The following SLC25A26 variants were observed in gnomAD, a reference collection of about 807,000 sequenced individuals.
SLC25A26 encodes mitochondrial S-adenosylmethionine carrier protein.
A neutral mutation model predicts 37.8 loss-of-function variants in SLC25A26; 36 were observed. That is an observed-to-expected ratio of 0.95 (90% CI 0.73 to 1.26). The LOEUF is 1.26. SLC25A26 is among the 50% of genes most tolerant of loss of function. The pLI is 0.00. For missense variants in SLC25A26, 390 were observed against 331.1 expected (o/e 1.18, Z -1.38); for synonymous variants, 129 against 122.5 (o/e 1.05, Z -0.35).
rs1308907721 is a variant in SLC25A26 at position 66,236,573 on chromosome 3, C to G, written c.63C>G (p.Asp21Glu). The G allele has an allele frequency of 8.1e-6, 12 of 1,474,940 alleles. No homozygotes were observed. Among genetic ancestry groups the G allele is most frequent in the African/African-American group, 1.4e-5 (1 of 71,464 alleles). 91.4% of individuals were successfully genotyped at this position (1,474,940 alleles called of 1,614,324 possible). The part of the protein sequence containing the change: ...VAGGVAGVSV[D>E]LILFPLDTIK... Reference sequence around the variant, plus strand: ...GTGGGGTAGCAGGTGTTTCTGTTGACTTGATATTATTTCCTCTGGATACCA... The same window carrying G: ...GTGGGGTAGCAGGTGTTTCTGTTGAGTTGATATTATTTCCTCTGGATACCA... Residue 21 changes from aspartate (D) to glutamate (E), a missense_variant, in exon 2 of 10, where the codon GAC becomes GAG. Physicochemically the swap from Asp to Glu is conservative, Grantham distance 45. Coordinates refer to ENST00000354883, the MANE Select transcript of SLC25A26 (RefSeq NM_001379210.1).
At chr3:66,198,443 G>T (rs2071072682) in intron 1 of SLC25A26, among the ~76,000 whole-genome samples, 1 of 151,892 alleles carries the variant, frequency 6.6e-6, no homozygotes, top group South Asian at 2.1e-4. Context: ...GACCTTCATA[G>T]TGACCCTCAC....
intron 5 of SLC25A26, among the ~76,000 whole-genome samples, chr3:66,269,804 G>C (rs533633712): frequency 6.6e-6 from 1 of 152,272 alleles, no homozygotes; most frequent in African/African-American, 2.4e-5. Flanking sequence ...GTATGTTTGT[G>C]TGAAATTGTT....
intron 1 of SLC25A26, among the ~76,000 whole-genome samples, chr3:66,234,359 A>G (rs376319984): frequency 4.6e-5 from 7 of 152,284 alleles, no homozygotes; most frequent in African/African-American, 1.7e-4. Context: ...TTTTCCCATG[A>G]CTTAGGGAAG....
At chr3:66,180,348 A>G (rs1576617400) in intron 1 of SLC25A26, among the ~76,000 whole-genome samples, 1 of 152,320 alleles carries the variant, frequency 6.6e-6, no homozygotes, top group East Asian at 1.9e-4. Context: ...ACCAGAAATA[A>G]TAAGTTTCTA....
In SLC25A26 at chr3:66,139,936, A is replaced by G. The variant is rs189315732; in HGVS notation, c.-354+5952A>G. On this transcript the variant is annotated intron_variant, in intron 1 of 10. Transcript: ENST00000676754. ...CTTAACCTAATAGATGTTATTTGCT[A>G]TTGATCCTTCTCAAGGTGTTGTAGG... 2.8e-4 allele frequency among the ~76,000 whole-genome samples: 43 copies of G among 152,352 alleles called. No individual in the cohort carries two copies. The East Asian group carries it at 8.1e-3, about 29-fold the overall frequency.
At chr3:66,318,348 C>A (rs952454000) in intron 5 of SLC25A26, among the ~76,000 whole-genome samples, 4 of 152,182 alleles carry the variant, frequency 2.6e-5, no homozygotes, top group Admixed American at 2.0e-4. Flanking sequence ...TTGCAAGAAT[C>A]TGTGGGAAAA....
chr3:66,240,809 G>T (rs1254927064), intron 2 of SLC25A26, among the ~76,000 whole-genome samples: 2 of 146,796 alleles, frequency 1.4e-5, no homozygotes, highest in African/African-American at 5.0e-5. Flanking sequence ...GCAGTGGTGC[G>T]ATCTTGGCTC....
At chr3:66,268,551 G>C (rs1298513323) in intron 5 of SLC25A26, among the ~76,000 whole-genome samples, 1 of 152,214 alleles carries the variant, frequency 6.6e-6, no homozygotes, top group Non-Finnish European at 1.5e-5. Context: ...AAATTCTTGT[G>C]AGGATTAAAT....
chr3:66,280,449 A>G (rs1011604591), intron 5 of SLC25A26, among the ~76,000 whole-genome samples: 4 of 152,180 alleles, frequency 2.6e-5, no homozygotes, highest in Admixed American at 6.5e-5. Flanking sequence ...ACCATTTTAT[A>G]TGCTAACAGA....
At chr3:66,303,426 T>C (rs1001639516) in intron 5 of SLC25A26, among the ~76,000 whole-genome samples, 2 of 152,238 alleles carry the variant, frequency 1.3e-5, no homozygotes, top group African/African-American at 4.8e-5. Context: ...TAGCTCCCTC[T>C]CTTAGTCTTG....
At chr3:66,304,903 C>T (rs538577423) in intron 5 of SLC25A26, among the ~76,000 whole-genome samples, 1 of 152,264 alleles carries the variant, frequency 6.6e-6, no homozygotes, top group South Asian at 2.1e-4. Flanking sequence ...CTGATAAACT[C>T]ACAACCATTT....
intron 1 of SLC25A26, 29 bp downstream of exon 1, chr3:66,221,156 T>G: frequency 6.7e-7 from 1 of 1,501,938 alleles, no homozygotes; most frequent in Non-Finnish European, 8.8e-7. Context: ...GGTGGGTTGC[T>G]CAGAGTGCCG....
At chr3:66,227,530 T>A (rs1354004909) in intron 1 of SLC25A26, among the ~76,000 whole-genome samples, 1 of 152,356 alleles carries the variant, frequency 6.6e-6, no homozygotes, top group Admixed American at 6.5e-5. Flanking sequence ...GTTTACACTT[T>A]ATCCAGTTAC....
At chr3:66,330,578 A>G (rs2075950047) in intron 5 of SLC25A26, among the ~76,000 whole-genome samples, 1 of 150,756 alleles carries the variant, frequency 6.6e-6, no homozygotes, top group African/African-American at 2.4e-5. Context: ...TTGTGCCTTG[A>G]GATATTAGCT....
intron 5 of SLC25A26, chr3:66,304,432 T>C (rs1487470666): frequency 2.2e-6 from 1 of 456,424 alleles, no homozygotes; most frequent in Admixed American, 2.3e-5. Flanking sequence ...TGTTGTCATA[T>C]TTTTTCTTCT....
At chr3:66,299,056 G>T (rs540292636) in intron 5 of SLC25A26, among the ~76,000 whole-genome samples, 1 of 152,144 alleles carries the variant, frequency 6.6e-6, no homozygotes, top group African/African-American at 2.4e-5. Context: ...TTGTGTGTGT[G>T]TATGTGTGTG....
intron 1 of SLC25A26, among the ~76,000 whole-genome samples, chr3:66,176,025 A>T (rs1420523523): frequency 2.0e-5 from 3 of 150,298 alleles, no homozygotes; most frequent in East Asian, 1.9e-4. Context: ...TAAAAAAAAA[A>T]TTTCCTTTAA....
chr3:66,235,331 T>A (rs924761398), intron 1 of SLC25A26, among the ~76,000 whole-genome samples: 7 of 152,070 alleles, frequency 4.6e-5, no homozygotes, highest in African/African-American at 1.7e-4. Flanking sequence ...CTTAATCAGT[T>A]TTTTCCCCCC....
chr3:66,189,392 C>A (rs1183209286), intron 1 of SLC25A26, among the ~76,000 whole-genome samples: 1 of 151,958 alleles, frequency 6.6e-6, no homozygotes, highest in Non-Finnish European at 1.5e-5. Flanking sequence ...GCTCCTGACA[C>A]TTACCATATC....
Sources: allele counts gnomAD v4.1 joint callset (sites outside exome capture counted in the v4.1 genomes callset), GRCh38; gene constraint gnomAD v4.1.1; transcripts MANE v1.5; gene names NCBI Gene and HGNC (gene_info 2026-07-23, HGNC 2026-07-21).